Variants in LRP1B observed in about 807,000 individuals in gnomAD.
LRP1B encodes the protein LDL receptor related protein 1B.
In LRP1B, 217 loss-of-function variants were observed where a neutral mutation model predicts 556.6. The ratio of observed to expected loss-of-function variants is 0.39; its 90% CI spans 0.35 to 0.44. The LOEUF is 0.44. Among genes scored for constraint, LRP1B ranks in the 20% least tolerant of loss-of-function variants. The pLI, the probability that LRP1B is intolerant of heterozygous loss-of-function variation, is 1.00. For missense variants in LRP1B, 5,053 were observed against 5,620.8 expected (o/e 0.90, Z 3.23); for synonymous variants, 2,047 against 1,865.8 (o/e 1.10, Z -2.50).
intron 31 of LRP1B, among the ~76,000 whole-genome samples, chr2:140,835,559 T>C (rs1184738231): frequency 1.3e-5 from 2 of 152,176 alleles, no homozygotes; most frequent in East Asian, 3.9e-4. Flanking sequence ...TATTTTGAGA[T>C]GAAGTTTCGC....
chr2:141,151,117 C>T (rs1182760059), intron 7 of LRP1B, among the ~76,000 whole-genome samples: 1 of 152,110 alleles, frequency 6.6e-6, no homozygotes, highest in Non-Finnish European at 1.5e-5. Context: ...TAACAAAGAA[C>T]TTCAAATTAT....
At chr2:140,445,076 C>A (rs1471205385) in intron 63 of LRP1B, among the ~76,000 whole-genome samples, 1 of 151,892 alleles carries the variant, frequency 6.6e-6, no homozygotes, top group Non-Finnish European at 1.5e-5. Context: ...ATTTGGTGGC[C>A]TATGGTGTGT....
chr2:141,642,720 GCCT>G (rs10569173), intron 2 of LRP1B, among the ~76,000 whole-genome samples: 18,704 of 151,966 alleles, frequency 0.12, 1,865 homozygotes, highest in African/African-American at 0.27. Context: ...CATCGTTCAT[GCCT>G]CATATGGGAG....
At chr2:140,714,577 T>C (rs1194480327) in intron 37 of LRP1B, among the ~76,000 whole-genome samples, 1 of 152,156 alleles carries the variant, frequency 6.6e-6, no homozygotes, top group African/African-American at 2.4e-5. Context: ...CTATATAATA[T>C]AAATGGACTT....
chr2:140,836,918 C>A lies in LRP1B; in HGVS notation c.5209+3073G>T, dbSNP rs553791910. Among the ~76,000 whole-genome samples the A allele has an allele frequency of 1.8e-4, 27 of 152,294 alleles. 1 individual carries two copies. In the East Asian group the frequency reaches 4.4e-3, roughly 25 times the overall value. The stretch of plus-strand genomic sequence containing the variant: ...CTTGTTTGCCCCTTAGCATGAGCAG[C>A]AAAGCAGTACAGAGTTAAATCCCCA... On this transcript the variant is annotated intron_variant, in intron 31 of 90. Coordinates refer to ENST00000389484, the MANE Select transcript of LRP1B (RefSeq NM_018557.3).
intron 3 of LRP1B, among the ~76,000 whole-genome samples, chr2:141,419,634 T>A (rs1009754518): frequency 2.0e-5 from 3 of 152,134 alleles, no homozygotes; most frequent in African/African-American, 7.2e-5. Context: ...TTTTCATTTC[T>A]GATTTTATGA....
intron 3 of LRP1B, among the ~76,000 whole-genome samples, chr2:141,282,250 A>T (rs1685536857): frequency 6.6e-6 from 1 of 152,034 alleles, no homozygotes; most frequent in Non-Finnish European, 1.5e-5. Context: ...AAAGCTAGTT[A>T]ATAATATAAA....
At chr2:142,127,812 G>A (rs192657637) in intron 1 of LRP1B, among the ~76,000 whole-genome samples, 232 of 152,044 alleles carry the variant, frequency 1.5e-3, no homozygotes, top group South Asian at 0.012. Flanking sequence ...TATCATACTC[G>A]AGAATTTAAC....
intron 31 of LRP1B, among the ~76,000 whole-genome samples, chr2:140,832,549 A>G (rs927730281): frequency 6.6e-6 from 1 of 152,208 alleles, no homozygotes; most frequent in East Asian, 1.9e-4. Context: ...ACACAATGGA[A>G]TATTATTCAG....
intron 43 of LRP1B, among the ~76,000 whole-genome samples, chr2:140,597,538 A>G (rs492190): frequency 0.087 from 13,170 of 152,208 alleles, 827 homozygotes; most frequent in African/African-American, 0.17. Flanking sequence ...ATACTTTTGC[A>G]TTATATCTTC....
chr2:140,778,491 A>AT (rs200672937), intron 32 of LRP1B, among the ~76,000 whole-genome samples: 234 of 152,072 alleles, frequency 1.5e-3, no homozygotes, highest in African/African-American at 4.9e-3. Context: ...TCATGAATGC[A>AT]TTTTTTTTAT....
intron 41 of LRP1B, among the ~76,000 whole-genome samples, chr2:140,659,258 G>GT (rs1685006900): frequency 6.6e-6 from 1 of 151,704 alleles, no homozygotes; most frequent in Non-Finnish European, 1.5e-5. Flanking sequence ...CTAGAAACAT[G>GT]TCATCTAATA....
intron 1 of LRP1B, among the ~76,000 whole-genome samples, chr2:142,065,002 T>C (rs533315281): frequency 0.01 from 1,399 of 136,494 alleles, 14 homozygotes; most frequent in Non-Finnish European, 0.013. Flanking sequence ...TTAAACAAAA[T>C]AATAATTCAT....
At chr2:141,684,422 G>A (rs1385253181) in intron 2 of LRP1B, among the ~76,000 whole-genome samples, 1 of 151,882 alleles carries the variant, frequency 6.6e-6, no homozygotes, top group Non-Finnish European at 1.5e-5. Flanking sequence ...ATAGACACAG[G>A]GATGGGGAAC....
chr2:140,343,976 A>G (rs1681526351), intron 77 of LRP1B, among the ~76,000 whole-genome samples: 1 of 151,676 alleles, frequency 6.6e-6, no homozygotes, highest in Non-Finnish European at 1.5e-5. Context: ...GACCATATGG[A>G]AAGAGTTGGA....
chr2:140,580,423 A>G (rs1574102478), intron 43 of LRP1B, among the ~76,000 whole-genome samples: 1 of 152,322 alleles, frequency 6.6e-6, no homozygotes, highest in East Asian at 1.9e-4. Flanking sequence ...CTCTCAGGAG[A>G]CGTGATGAAG....
chr2:141,661,273 C>T (rs187704612), intron 2 of LRP1B, among the ~76,000 whole-genome samples: 1 of 152,288 alleles, frequency 6.6e-6, no homozygotes, highest in Admixed American at 6.5e-5. Context: ...GCCTCTTCTC[C>T]TCCAAATGAT....
At chr2:141,570,621 C>T (rs1686491483) in intron 2 of LRP1B, among the ~76,000 whole-genome samples, 1 of 151,020 alleles carries the variant, frequency 6.6e-6, no homozygotes, top group Non-Finnish European at 1.5e-5. Context: ...TAGCAGCCAG[C>T]ACTGGAACTG....
chr2:142,099,149 T>A (rs1461270887), intron 1 of LRP1B, among the ~76,000 whole-genome samples: 1 of 151,922 alleles, frequency 6.6e-6, no homozygotes, highest in Non-Finnish European at 1.5e-5. Flanking sequence ...TTCTGTCATA[T>A]TTCACATCTG....
Sources: allele counts gnomAD v4.1 joint callset (sites outside exome capture counted in the v4.1 genomes callset), GRCh38; gene constraint gnomAD v4.1.1; transcripts MANE v1.5; gene names NCBI Gene and HGNC (gene_info 2026-07-23, HGNC 2026-07-21).